The following RGS10 variants were observed in gnomAD, a reference collection of about 807,000 sequenced individuals.
The protein encoded by RGS10 is regulator of G-protein signalling 10.
Under a neutral mutation model 23.5 loss-of-function variants are expected in RGS10, and 11 were observed. That is an observed-to-expected ratio of 0.47 (90% CI 0.29 to 0.77). The LOEUF (loss-of-function observed/expected upper bound fraction) is 0.77. RGS10 is among the 30% of genes least tolerant of loss of function. RGS10 has a pLI of 0.08. For missense variants in RGS10, 180 were observed against 226.3 expected (o/e 0.80, Z 1.31); for synonymous variants, 77 against 83.2 (o/e 0.92, Z 0.41).
At chr10:119,500,594 GGATGTATTTCTCCAA>G (rs1843941534) in intron 4 of RGS10, among the ~76,000 whole-genome samples, 1 of 151,732 alleles carries the variant, frequency 6.6e-6, no homozygotes, top group African/African-American at 2.4e-5. Flanking sequence ...GATAAGACAA[GGATGTATTTCTCCAA>G]GAGCTTGAGA....
chr10:119,519,964 C>T (rs1844194427), intron 3 of RGS10, among the ~76,000 whole-genome samples: 1 of 152,188 alleles, frequency 6.6e-6, no homozygotes, highest in Non-Finnish European at 1.5e-5. Flanking sequence ...CCACTGACAC[C>T]TTGAATTAAC....
intron 1 of RGS10, among the ~76,000 whole-genome samples, chr10:119,535,058 C>T (rs558844472): frequency 2.4e-4 from 36 of 152,212 alleles, no homozygotes; most frequent in South Asian, 1.0e-3. Context: ...AACTTACAAG[C>T]GTCCCAGCTA....
At chr10:119,518,407 A>C (rs11198987) in intron 3 of RGS10, among the ~76,000 whole-genome samples, 3 of 152,122 alleles carry the variant, frequency 2.0e-5, no homozygotes, top group Non-Finnish European at 4.4e-5. Context: ...CACAAGGCTG[A>C]GGCCCTTCTT....
intron 4 of RGS10, among the ~76,000 whole-genome samples, chr10:119,514,530 C>T (rs1397167972): frequency 6.7e-6 from 1 of 148,994 alleles, no homozygotes; most frequent in Admixed American, 6.7e-5. Flanking sequence ...TGGTGGTGGG[C>T]GCCTGTAATT....
chr10:119,538,782 TCC>T lies in RGS10; in HGVS notation c.49+3806_49+3807del, dbSNP rs1261213361. On this transcript the variant is annotated intron_variant, in intron 1 of 4. Coordinates refer to ENST00000369103, the MANE Select transcript of RGS10 (RefSeq NM_001005339.2). The surrounding 1 kb of genome is among the most constrained non-coding windows in gnomAD (Gnocchi z 4.5). ...ACTGCTGCTGCCTGCTGGGGCCCCC[TCC>T]GCTCCTGCTGCCACCCGCAGGCTGC... is the stretch of plus-strand genomic sequence containing the variant. 6.6e-6 allele frequency among the ~76,000 whole-genome samples: 1 copy of T among 152,068 alleles called. No homozygotes were observed. The highest frequency in any genetic ancestry group is 2.4e-5 in the African/African-American group (1 of 41,398).
rs1163699302 is a variant in RGS10 at position 119,517,212 on chromosome 10, A to G, written c.256-1560T>C. Among the ~76,000 whole-genome samples, 1 of 152,246 alleles carries G rather than the reference A, an allele frequency of 6.6e-6. No homozygotes were observed. Among genetic ancestry groups the G allele is most frequent in the Non-Finnish European group, 1.5e-5 (1 of 68,042 alleles). Reference sequence around the variant, plus strand: ...GGCACTGGGGACAAAAGATCCTGAGAAGCCACGGCCTGGCCATGTCCTGTT... The same window carrying G: ...GGCACTGGGGACAAAAGATCCTGAGGAGCCACGGCCTGGCCATGTCCTGTT... On this transcript the variant is annotated intron_variant, in intron 3 of 4. Transcript: ENST00000369103. This position sits in a 1 kb window ranked among gnomAD's most constrained non-coding sequence, Gnocchi z 5.0.
intron 3 of RGS10, among the ~76,000 whole-genome samples, chr10:119,523,152 C>A (rs1233820994): frequency 6.6e-6 from 1 of 152,150 alleles, no homozygotes; most frequent in South Asian, 2.1e-4. Flanking sequence ...TGTGCCCAGC[C>A]TCGGGCGAGC....
At chr10:119,507,651 C>A (rs1488399548) in intron 4 of RGS10, among the ~76,000 whole-genome samples, 1 of 142,406 alleles carries the variant, frequency 7.0e-6, no homozygotes, top group Non-Finnish European at 1.5e-5. Context: ...GTGGCATGAT[C>A]TCAGCTCAGT....
chr10:119,502,516 G>C (rs1457234250), intron 4 of RGS10, among the ~76,000 whole-genome samples: 3 of 152,144 alleles, frequency 2.0e-5, no homozygotes, highest in African/African-American at 7.2e-5. Flanking sequence ...GGAACATCCT[G>C]TTTGCCTGTA....
chr10:119,508,540 C>A, intron 4 of RGS10, among the ~76,000 whole-genome samples: 1 of 152,166 alleles, frequency 6.6e-6, no homozygotes, highest in East Asian at 1.9e-4. Flanking sequence ...TAAACTGGGG[C>A]TAAGAAATGT....
chr10:119,510,396 G>T (rs989126837), intron 4 of RGS10, among the ~76,000 whole-genome samples: 5 of 152,120 alleles, frequency 3.3e-5, no homozygotes, highest in Non-Finnish European at 1.5e-5. Context: ...CCGGCTCCCA[G>T]GTCCTCTCAT....
intron 4 of RGS10, among the ~76,000 whole-genome samples, chr10:119,503,630 C>T (rs1182222273): frequency 1.3e-5 from 2 of 152,218 alleles, no homozygotes; most frequent in Non-Finnish European, 2.9e-5. Flanking sequence ...TGAAGACCCC[C>T]ATTTGACAGA....
In RGS10 at chr10:119,499,953, T is replaced by C. The variant is rs946896434; in HGVS notation, c.*160A>G. 2 of 614,074 alleles carry C rather than the reference T, an allele frequency of 3.3e-6. No homozygotes were observed. The highest frequency in any genetic ancestry group is 5.4e-6 in the Non-Finnish European group (2 of 371,698). The allele number at this position is 614,074 out of a possible 1,614,324, so 38.0% of individuals were successfully genotyped here. A position where few individuals can be genotyped will look rare whatever the true frequency, so the allele number is the denominator to read the frequency against. Reference sequence around the variant, plus strand: ...TTTTTTTATGTTAGCTTAGCCATCATGCAAAATTTACTGGTGAAGCAGTTA... The same window carrying C: ...TTTTTTTATGTTAGCTTAGCCATCACGCAAAATTTACTGGTGAAGCAGTTA... On this transcript the variant is annotated 3_prime_UTR_variant, in exon 5 of 5. Coordinates refer to ENST00000369103, the MANE Select transcript of RGS10 (RefSeq NM_001005339.2).
intron 1 of RGS10, among the ~76,000 whole-genome samples, chr10:119,530,467 T>C (rs1437639811): frequency 1.3e-5 from 2 of 152,180 alleles, no homozygotes; most frequent in Non-Finnish European, 2.9e-5. Flanking sequence ...GACAGGAGGA[T>C]GGCTTGATCT....
At chr10:119,539,579 G>A (rs868801251) in intron 1 of RGS10, among the ~76,000 whole-genome samples, 1 of 152,266 alleles carries the variant, frequency 6.6e-6, no homozygotes, top group South Asian at 2.1e-4. Flanking sequence ...ATTCTCTGGG[G>A]TGCTTGTCAA....
intron 4 of RGS10, among the ~76,000 whole-genome samples, chr10:119,508,235 G>A (rs4752318): frequency 0.044 from 6,687 of 152,196 alleles, 276 homozygotes; most frequent in East Asian, 0.21. Context: ...CCTGAACTCA[G>A]CTAATCCACC....
chr10:119,542,519 G>A (rs1438944818), intron 1 of RGS10, 71 bp downstream of exon 1: 12 of 1,293,602 alleles, frequency 9.3e-6, no homozygotes, highest in Non-Finnish European at 1.2e-5. Context: ...GAGCACAAGA[G>A]GGAGGGCAGG....
At chr10:119,506,808 C>T (rs527638725) in intron 4 of RGS10, among the ~76,000 whole-genome samples, 18 of 152,196 alleles carry the variant, frequency 1.2e-4, no homozygotes, top group Non-Finnish European at 2.6e-4. Flanking sequence ...TCAAGCAACT[C>T]TCCTGCCTCA....
intron 4 of RGS10, among the ~76,000 whole-genome samples, chr10:119,504,557 T>C (rs1158695238): frequency 6.6e-6 from 1 of 152,166 alleles, no homozygotes; most frequent in East Asian, 1.9e-4. Context: ...GGGTGAATGG[T>C]GTTCCCCCAA....
Sources: allele counts gnomAD v4.1 joint callset (sites outside exome capture counted in the v4.1 genomes callset), GRCh38; gene constraint gnomAD v4.1.1; non-coding constraint Gnocchi (gnomAD v3.1); transcripts MANE v1.5; gene names NCBI Gene and HGNC (gene_info 2026-07-23, HGNC 2026-07-21).